CDH12: variants seen among roughly 807,000 people sequenced by gnomAD.
CDH12 encodes cadherin 12.
In CDH12, 41 loss-of-function variants were observed where a neutral mutation model predicts 74.1. The ratio of observed to expected loss-of-function variants is 0.55; its 90% confidence interval spans 0.43 to 0.72. The LOEUF is 0.72. Ranked by LOEUF, CDH12 falls within the 30% of genes least tolerant of loss-of-function variation. The pLI is 0.00. For missense variants in CDH12, 945 were observed against 977.2 expected (o/e 0.97, Z 0.44); for synonymous variants, 399 against 355.0 (o/e 1.12, Z -1.39).
intron 1 of CDH12, among the ~76,000 whole-genome samples, chr5:22,625,393 C>A (rs1475810639): frequency 1.3e-5 from 2 of 152,140 alleles, no homozygotes; most frequent in African/African-American, 2.4e-5. Context: ...CCAACACTAA[C>A]CACAGACCTC....
At chr5:21,916,390 C>T (rs1036107983) in intron 6 of CDH12, among the ~76,000 whole-genome samples, 24 of 152,240 alleles carry the variant, frequency 1.6e-4, no homozygotes, top group Admixed American at 1.3e-3. Flanking sequence ...CCAGGGTCTT[C>T]AAATAAGCTC....
At chr5:21,812,436 A>G (rs1175278454) in intron 9 of CDH12, among the ~76,000 whole-genome samples, 4 of 152,142 alleles carry the variant, frequency 2.6e-5, no homozygotes, top group Non-Finnish European at 5.9e-5. Flanking sequence ...ATGTTTACAT[A>G]CACAGTTATT....
At chr5:22,670,855 A>G (rs1035886794) in intron 1 of CDH12, among the ~76,000 whole-genome samples, 28 of 152,060 alleles carry the variant, frequency 1.8e-4, no homozygotes, top group Non-Finnish European at 7.4e-5. Context: ...TACTAATAAA[A>G]TGTAATCTTT....
At chr5:21,873,854 G>A (rs149754488) in intron 6 of CDH12, among the ~76,000 whole-genome samples, 1,335 of 7,316 alleles carry the variant, frequency 0.18, 19 homozygotes, top group African/African-American at 0.34. Context: ...TTCAGCTCCC[G>A]CTTACAAGTG....
At chr5:22,165,525 C>T (rs1041884311) in intron 4 of CDH12, among the ~76,000 whole-genome samples, 23 of 152,126 alleles carry the variant, frequency 1.5e-4, no homozygotes, top group African/African-American at 5.3e-4. Context: ...CACACACACA[C>T]ACACACAGAC....
rs373641746 is a variant in CDH12 at position 22,754,420 on chromosome 5, A to G, written c.-523+98638T>C. ...AGTGAACAGGCAGATGGAAAACAGCATGGTGAGTAATACAGATGGTGGGAA... is the reference window on the plus strand; with the variant it reads ...AGTGAACAGGCAGATGGAAAACAGCGTGGTGAGTAATACAGATGGTGGGAA... On this transcript the variant is annotated intron_variant, in intron 1 of 14. Coordinates refer to ENST00000382254, the MANE Select transcript of CDH12 (RefSeq NM_004061.5). 6.6e-5 allele frequency among the ~76,000 whole-genome samples: 10 copies of G among 152,312 alleles called. No homozygotes were observed. In the East Asian group the frequency reaches 1.7e-3, roughly 26 times the overall value.
chr5:21,956,832 T>A (rs1756121487), intron 6 of CDH12, among the ~76,000 whole-genome samples: 1 of 152,184 alleles, frequency 6.6e-6, no homozygotes, highest in Non-Finnish European at 1.5e-5. Context: ...CACATGAGAA[T>A]CTTTATTTCC....
At chr5:22,830,216 T>A (rs1736528557) in intron 1 of CDH12, among the ~76,000 whole-genome samples, 1 of 152,148 alleles carries the variant, frequency 6.6e-6, no homozygotes, top group Non-Finnish European at 1.5e-5. Flanking sequence ...TTTCATCTAT[T>A]CTAAAGATGG....
intron 4 of CDH12, among the ~76,000 whole-genome samples, chr5:22,185,260 G>T (rs1749874405): frequency 6.8e-6 from 1 of 147,770 alleles, no homozygotes; most frequent in Non-Finnish European, 1.5e-5. Context: ...GTGCAGTGGT[G>T]CAATCTTGGC....
intron 1 of CDH12, among the ~76,000 whole-genome samples, chr5:22,531,415 C>T (rs547339504): frequency 1.1e-4 from 16 of 152,132 alleles, no homozygotes; most frequent in African/African-American, 3.1e-4. Flanking sequence ...AACTACACTA[C>T]AAATTTTTAA....
At chr5:22,748,694 A>C (rs1193723128) in intron 1 of CDH12, among the ~76,000 whole-genome samples, 1 of 152,166 alleles carries the variant, frequency 6.6e-6, no homozygotes, top group Admixed American at 6.5e-5. Context: ...AAATCTTAAG[A>C]TAAATATTAG....
chr5:21,803,028 C>T (rs1395719997), intron 9 of CDH12, among the ~76,000 whole-genome samples: 1 of 152,082 alleles, frequency 6.6e-6, no homozygotes, highest in African/African-American at 2.4e-5. Context: ...AAAGTTAAAA[C>T]AGCAACAGAA....
At chr5:22,551,330 AG>A (rs1295474060) in intron 1 of CDH12, among the ~76,000 whole-genome samples, 1 of 152,168 alleles carries the variant, frequency 6.6e-6, no homozygotes, top group Non-Finnish European at 1.5e-5. Flanking sequence ...CAGAACTGAA[AG>A]AAAACAAATG....
intron 1 of CDH12, among the ~76,000 whole-genome samples, chr5:22,656,994 C>T (rs1341097786): frequency 6.6e-6 from 1 of 152,008 alleles, no homozygotes; most frequent in African/African-American, 2.4e-5. Flanking sequence ...GAGATTCTTC[C>T]ACCTCAGTCT....
chr5:22,586,406 G>A (rs1042955403), intron 1 of CDH12, among the ~76,000 whole-genome samples: 7 of 151,716 alleles, frequency 4.6e-5, no homozygotes, highest in Non-Finnish European at 7.4e-5. Context: ...GTTAATGGGT[G>A]CAGCACACCA....
chr5:21,986,045 C>T (rs1027868867), intron 5 of CDH12, among the ~76,000 whole-genome samples: 43 of 152,024 alleles, frequency 2.8e-4, no homozygotes, highest in Admixed American at 8.5e-4. Flanking sequence ...TTAGGAATTC[C>T]CTCTAACAGC....
intron 8 of CDH12, among the ~76,000 whole-genome samples, chr5:21,828,279 T>C (rs1035941869): frequency 6.6e-6 from 1 of 152,046 alleles, no homozygotes; most frequent in African/African-American, 2.4e-5. Flanking sequence ...CATGCCACCA[T>C]GGCCAGCTAA....
chr5:21,981,327 G>A (rs1490759180), intron 5 of CDH12, among the ~76,000 whole-genome samples: 1 of 151,702 alleles, frequency 6.6e-6, no homozygotes, highest in Non-Finnish European at 1.5e-5. Context: ...CATAATAAAA[G>A]TATATAGTAT....
intron 1 of CDH12, among the ~76,000 whole-genome samples, chr5:22,607,238 T>C (rs540638602): frequency 2.6e-5 from 4 of 152,210 alleles, no homozygotes; most frequent in East Asian, 1.9e-4. Flanking sequence ...AGGAGCTGAA[T>C]GTTAATCACC....
Sources: gnomAD v4.1 joint callset for allele counts (sites outside exome capture counted in the v4.1 genomes callset) on GRCh38, gnomAD v4.1.1 for gene constraint, MANE v1.5 for transcripts, NCBI Gene and HGNC (gene_info 2026-07-23, HGNC 2026-07-21) for gene names.